Variants in GALNT14 observed in about 807,000 individuals in gnomAD.
The protein encoded by GALNT14 is polypeptide N-acetylgalactosaminyltransferase 14.
Under a neutral mutation model 77.5 loss-of-function variants are expected in GALNT14, and 60 were observed. That is an observed-to-expected ratio of 0.77 (90% CI 0.63 to 0.96). The LOEUF is 0.96. Ranked by LOEUF, GALNT14 falls within the 40% of genes least tolerant of loss-of-function variation. The probability of loss-of-function intolerance (pLI) is 0.00; values close to 1 mark genes in which losing one functional copy is unlikely to be tolerated. For synonymous variants in GALNT14, 280 were observed against 281.7 expected, an observed-to-expected ratio of 0.99 and a Z score of 0.06; for missense variants, 710 against 731.0, an observed-to-expected ratio of 0.97 and a Z score of 0.33.
chr2:30,974,674 T>C (rs577746050), intron 2 of GALNT14, among the ~76,000 whole-genome samples: 13 of 152,350 alleles, frequency 8.5e-5, no homozygotes, highest in African/African-American at 3.1e-4. Flanking sequence ...CTGGGAAGCA[T>C]TTCAGTCTCC....
At chr2:31,126,755 C>T (rs1482267642) in intron 1 of GALNT14, 1 of 152,234 alleles carries the variant, frequency 6.6e-6, no homozygotes, top group Non-Finnish European at 1.5e-5. Flanking sequence ...AAGTCCTACT[C>T]GCAGTTCCCA....
chr2:31,085,071 G>A (rs1200524328), intron 1 of GALNT14, among the ~76,000 whole-genome samples: 1 of 152,040 alleles, frequency 6.6e-6, no homozygotes, highest in African/African-American at 2.4e-5. Context: ...GCACTGCATG[G>A]GACACAGTGT....
chr2:31,128,765 C>T (rs1368955407), intron 1 of GALNT14, among the ~76,000 whole-genome samples: 1 of 152,148 alleles, frequency 6.6e-6, no homozygotes, highest in Non-Finnish European at 1.5e-5. Flanking sequence ...ACCGAGTCTG[C>T]CGTTACAGTC....
At chr2:31,003,861 G>A (rs899384622) in intron 1 of GALNT14, among the ~76,000 whole-genome samples, 3 of 152,230 alleles carry the variant, frequency 2.0e-5, no homozygotes, top group African/African-American at 7.2e-5. Context: ...AAATTAGCAC[G>A]AGAAGGAGGT....
chr2:30,918,000 T>A (rs755631418), intron 13 of GALNT14, among the ~76,000 whole-genome samples: 22 of 152,208 alleles, frequency 1.4e-4, no homozygotes, highest in Non-Finnish European at 3.2e-4. Context: ...TTGTACCAAC[T>A]GTGACAACAG....
chr2:31,104,419 A>G (rs1173228981), intron 1 of GALNT14, among the ~76,000 whole-genome samples: 1 of 152,166 alleles, frequency 6.6e-6, no homozygotes, highest in Non-Finnish European at 1.5e-5. Flanking sequence ...CATGCCTCCC[A>G]AAGACAAGGA....
At chr2:31,044,899 A>G (rs1451862719) in intron 1 of GALNT14, among the ~76,000 whole-genome samples, 2 of 152,010 alleles carry the variant, frequency 1.3e-5, no homozygotes, top group African/African-American at 4.8e-5. Context: ...TGGGCAACAG[A>G]GTAAGACTCC....
chr2:31,072,942 G>A (rs1251240677), intron 1 of GALNT14: 1 of 152,188 alleles, frequency 6.6e-6, no homozygotes, highest in East Asian at 1.9e-4. Flanking sequence ...TAGATGCACA[G>A]AAGATGTCAA....
intron 1 of GALNT14, among the ~76,000 whole-genome samples, chr2:30,996,736 C>G (rs1445887068): frequency 6.6e-6 from 1 of 152,204 alleles, no homozygotes; most frequent in Non-Finnish European, 1.5e-5. Context: ...CCCAGCAAGC[C>G]AGAGCAGCAG....
At chr2:31,100,524 C>T (rs1677217366) in intron 1 of GALNT14, among the ~76,000 whole-genome samples, 1 of 151,992 alleles carries the variant, frequency 6.6e-6, no homozygotes. Flanking sequence ...ACAACTGCCT[C>T]TTCCCTCTCT....
downstream of GALNT14, among the ~76,000 whole-genome samples, chr2:30,909,954 G>A (rs541223666): frequency 8.6e-5 from 13 of 151,022 alleles, no homozygotes; most frequent in East Asian, 2.0e-4. Context: ...GTAAACTATC[G>A]CAAGAACAAA....
rs577277414 is a variant in GALNT14 at position 30,958,907 on chromosome 2, T to C, written c.399-443A>G. Among the ~76,000 whole-genome samples, 36 of 152,318 alleles carry C rather than the reference T, an allele frequency of 2.4e-4. No homozygotes were observed. The Middle Eastern group carries it at 0.014, about 58-fold the overall frequency. On this transcript the variant is annotated intron_variant, in intron 3 of 14. Coordinates refer to ENST00000349752, the MANE Select transcript of GALNT14 (RefSeq NM_024572.4). Reference sequence around the variant, plus strand: ...CAGAGCGAACTTTCTGACAAGGAGCTTTGATTGTGTGACTCTCCTCGCCAA... The same window carrying C: ...CAGAGCGAACTTTCTGACAAGGAGCCTTGATTGTGTGACTCTCCTCGCCAA...
At chr2:31,076,116 T>C (rs1425836898) in intron 1 of GALNT14, among the ~76,000 whole-genome samples, 1 of 152,190 alleles carries the variant, frequency 6.6e-6, no homozygotes, top group Non-Finnish European at 1.5e-5. Context: ...CTGGAAGAAC[T>C]GGAGAAAAGA....
At position 31,016,099 on chromosome 2, in the gene GALNT14, G is replaced by A. The variant is rs1199615545; in HGVS notation, c.130-23092C>T. Among the ~76,000 whole-genome samples the A allele has an allele frequency of 2.0e-5, 3 of 152,298 alleles. No homozygotes were observed. In the East Asian group the frequency reaches 5.8e-4, roughly 29 times the overall value. On this transcript the variant is annotated intron_variant, in intron 1 of 14. Coordinates refer to ENST00000349752, the MANE Select transcript of GALNT14 (RefSeq NM_024572.4). ...ATCACAAAACACCATAGACCACGGG[G>A]CTTAAACAACAGAAGTTTATTTTCT...
chr2:30,908,238 G>A (rs1187418812), downstream of GALNT14, among the ~76,000 whole-genome samples: 1 of 151,896 alleles, frequency 6.6e-6, no homozygotes, highest in Non-Finnish European at 1.5e-5. Context: ...AGGAAATAAA[G>A]GGTATTCAAT....
At chr2:31,102,466 T>C (rs1677327909) in intron 1 of GALNT14, among the ~76,000 whole-genome samples, 2 of 152,110 alleles carry the variant, frequency 1.3e-5, no homozygotes, top group African/African-American at 2.4e-5. Flanking sequence ...GGGCTTTTGG[T>C]TTTATGATTT....
chr2:31,012,448 GC>G (rs1671091126), intron 1 of GALNT14, among the ~76,000 whole-genome samples: 1 of 152,158 alleles, frequency 6.6e-6, no homozygotes, highest in Non-Finnish European at 1.5e-5. Context: ...CAGGAGTGTG[GC>G]TTTTCTCTCT....
Position 30,944,924 on chromosome 2 carries a change from T to A in GALNT14, c.761A>T (p.His254Leu). ...TGGGGAGAGCTGCTCCCACTGGAAG[T>A]GGAGGCTCCAGTCAAACCCTACAAC... is the stretch of plus-strand genomic sequence containing the variant. ...ELRGGFDWSL[H>L]FQWEQLSPEQ... is the part of the protein sequence containing the mutation. The change falls in exon 8 of 15, where the codon CAC becomes CTC. Residue 254 changes from histidine (H) to leucine (L), a missense_variant. His to Leu is a moderately conservative substitution (Grantham distance 99). Transcript: ENST00000349752. 1 of 1,610,334 alleles carries A rather than the reference T, an allele frequency of 6.2e-7. No individual in the cohort carries two copies. The highest frequency in any genetic ancestry group is 8.5e-7 in the Non-Finnish European group (1 of 1,177,498).
chr2:31,067,321 G>C (rs182402349), intron 1 of GALNT14, among the ~76,000 whole-genome samples: 2 of 152,224 alleles, frequency 1.3e-5, no homozygotes, highest in South Asian at 2.1e-4. Flanking sequence ...ATGTCCCCAC[G>C]GGGGCCAAAG....
Sources: allele counts gnomAD v4.1 joint callset (sites outside exome capture counted in the v4.1 genomes callset), GRCh38; gene constraint gnomAD v4.1.1; transcripts MANE v1.5; gene names NCBI Gene and HGNC (gene_info 2026-07-23, HGNC 2026-07-21).